The following INTS13 variants were observed in gnomAD, a reference collection of about 807,000 sequenced individuals.
INTS13 encodes the protein asunder, spermatogenesis regulator homolog (Drosphila).
In INTS13, 35 loss-of-function variants were observed where a neutral mutation model predicts 90.2. The ratio of observed to expected loss-of-function variants is 0.39; its 90% CI spans 0.30 to 0.51. INTS13 has a LOEUF of 0.51. Ranked by LOEUF, INTS13 falls within the 20% of genes least tolerant of loss-of-function variation. The pLI is 0.80. For synonymous variants in INTS13, 309 were observed against 277.1 expected (o/e 1.11, Z -1.14); for missense variants, 601 against 851.2 (o/e 0.71, Z 3.66).
At chr12:26,930,385 TA>T (rs1938125032) in intron 3 of INTS13, among the ~76,000 whole-genome samples, 1 of 152,180 alleles carries the variant, frequency 6.6e-6, no homozygotes, top group African/African-American at 2.4e-5. Flanking sequence ...TTCCTATTTT[TA>T]AAACTTACTA....
intron 3 of INTS13, among the ~76,000 whole-genome samples, chr12:26,929,728 GAAGAAAGGAAGGAAGGAAAGAAGA>G (rs1938087155): frequency 3.3e-5 from 5 of 150,366 alleles, no homozygotes; most frequent in Admixed American, 6.7e-5. Flanking sequence ...AGACAGAAAG[GAAGAAAGGAAGGAAGGAAAGAAGA>G]AAGAAAGGAA....
At chr12:26,923,762 T>C (rs1937713161) in intron 7 of INTS13, among the ~76,000 whole-genome samples, 1 of 152,186 alleles carries the variant, frequency 6.6e-6, no homozygotes, top group Non-Finnish European at 1.5e-5. Context: ...TATGAGCTAT[T>C]TTCCCCTAGT....
chr12:26,924,467 G>T lies in INTS13; in HGVS notation c.692C>A (p.Thr231Asn). The stretch of plus-strand genomic sequence containing the variant: ...TGCACGAACACTATGAACTTCACTG[G>T]TTAAAACCGGGGACAACTACAGAAA... ...RSKKELSPVL[T>N]SEVHSVRAGR... The change falls in exon 7 of 17, where the codon ACC (threonine) becomes AAC (asparagine). Residue 231 changes from threonine (T) to asparagine (N), a missense_variant. By Grantham distance (65) the Thr-to-Asn change is moderately conservative. Around this residue, in one of 3 missense-constraint regions of INTS13, gnomAD observed 284 missense variants for 387.7 expected, o/e 0.73. Coordinates refer to ENST00000261191, the MANE Select transcript of INTS13 (RefSeq NM_018164.3). 1 of 1,604,796 alleles carries T rather than the reference G, an allele frequency of 6.2e-7. No individual in the cohort carries two copies. Among genetic ancestry groups the T allele is most frequent in the Non-Finnish European group, 8.5e-7 (1 of 1,175,190 alleles).
At chr12:26,933,008 A>G (rs903968544) in intron 3 of INTS13, among the ~76,000 whole-genome samples, 2 of 152,268 alleles carry the variant, frequency 1.3e-5, no homozygotes, top group Non-Finnish European at 2.9e-5. Flanking sequence ...AAGGCACAAA[A>G]GAAAACATCA....
rs557716312 is a variant in INTS13, at chr12:26,929,829, G to A, written c.301-924C>T. Among the ~76,000 whole-genome samples the A allele has an allele frequency of 2.0e-5, 3 of 151,886 alleles. No individual in the cohort carries two copies. The South Asian group carries it at 6.3e-4, about 32-fold the overall frequency. ...AGGAAGAAAGAAGGAAAAAGGGAAG[G>A]AAGGAAGAGAGAGAGAGAGGATGGA... On this transcript the variant is annotated intron_variant, in intron 3 of 16. Coordinates refer to ENST00000261191, the MANE Select transcript of INTS13 (RefSeq NM_018164.3).
chr12:26,935,381 G>T (rs906884441), intron 2 of INTS13, among the ~76,000 whole-genome samples: 3 of 152,136 alleles, frequency 2.0e-5, no homozygotes, highest in Non-Finnish European at 2.9e-5. Flanking sequence ...TGGACAACAC[G>T]ATCTAATCTA....
chr12:26,923,724 G>A (rs1937710490), intron 7 of INTS13, among the ~76,000 whole-genome samples: 1 of 152,148 alleles, frequency 6.6e-6, no homozygotes, highest in African/African-American at 2.4e-5. Context: ...TGGTCTTTCA[G>A]TTAGAGAGTA....
chr12:26,907,712 A>AT (rs1310482133), intron 15 of INTS13, among the ~76,000 whole-genome samples: 1 of 152,228 alleles, frequency 6.6e-6, no homozygotes, highest in Non-Finnish European at 1.5e-5. Flanking sequence ...ATCCAGATAA[A>AT]TAAACAACTC....
chr12:26,925,330 C>A (rs1321367928), intron 6 of INTS13, among the ~76,000 whole-genome samples: 1 of 151,964 alleles, frequency 6.6e-6, no homozygotes, highest in African/African-American at 2.4e-5. Flanking sequence ...TAAAATTATT[C>A]AAATTTATTT....
intron 11 of INTS13, 94 bp downstream of exon 11, chr12:26,915,908 T>A: frequency 1.1e-6 from 1 of 880,708 alleles, no homozygotes; most frequent in Non-Finnish European, 1.6e-6. Flanking sequence ...GTCTCTTTTT[T>A]TCCACAGACC....
intron 3 of INTS13, among the ~76,000 whole-genome samples, chr12:26,934,310 A>T (rs1251410613): frequency 1.3e-5 from 2 of 152,184 alleles, no homozygotes; most frequent in East Asian, 3.8e-4. Context: ...GAACTCAATA[A>T]ACAGGAATAA....
At chr12:26,934,463 C>T in intron 3 of INTS13, 93 bp downstream of exon 3, 1 of 936,696 alleles carries the variant, frequency 1.1e-6, no homozygotes, top group Non-Finnish European at 1.7e-6. Flanking sequence ...ATATGCAAAT[C>T]CTAGAGTGAT....
chr12:26,924,454 A>G lies in INTS13; in HGVS notation c.705T>C (p.His235=), dbSNP rs190658986. 8.7e-6 allele frequency: 14 copies of G among 1,611,142 alleles called. No homozygotes were observed. The East Asian group carries it at 2.5e-4, about 28-fold the overall frequency. Residue 235 remains histidine, a synonymous_variant, in exon 7 of 17, where the codon CAT becomes CAC. Coordinates refer to ENST00000261191, the MANE Select transcript of INTS13 (RefSeq NM_018164.3). ...ELSPVLTSEV[H]SVRAGRHLAT... ...CAAGATGCCGTCCTGCACGAACACT[A>G]TGAACTTCACTGGTTAAAACCGGGG...
rs1315422541 is a variant in INTS13 at position 26,924,479 on chromosome 12, G to A, written c.680C>T (p.Ser227Phe). The A allele has an allele frequency of 5.0e-6, 8 of 1,598,806 alleles. No individual in the cohort carries two copies. Among genetic ancestry groups the A allele is most frequent in the East Asian group, 2.3e-5 (1 of 44,146 alleles). The change falls in exon 7 of 17, where the codon TCC (serine) becomes TTC (phenylalanine). Residue 227 changes from serine (S) to phenylalanine (F), a missense_variant. Transcript: ENST00000261191. Reference protein sequence around the residue: ...LVSDRSKKELSPVLTSEVHSV... With the variant: ...LVSDRSKKELFPVLTSEVHSV... Reference sequence around the variant, plus strand: ...ATGAACTTCACTGGTTAAAACCGGGGACAACTACAGAAAAACATACAAGAA... The same window carrying A: ...ATGAACTTCACTGGTTAAAACCGGGAACAACTACAGAAAAACATACAAGAA...
intron 6 of INTS13, 44 bp from the exon 7 acceptor site, chr12:26,924,527 T>G (rs866128104): frequency 1.3e-6 from 2 of 1,555,774 alleles, no homozygotes; most frequent in Middle Eastern, 3.4e-4. Flanking sequence ...AAATATTAAT[T>G]CATTGTGACC....
rs757073411 is a variant in INTS13, at chr12:26,913,607, C to T, written c.1655G>A (p.Arg552Lys). The change falls in exon 14 of 17, where the codon AGA (arginine) becomes AAA (lysine). Residue 552 changes from arginine (R) to lysine (K), a missense_variant. Arg to Lys is a conservative substitution (Grantham distance 26). Transcript: ENST00000261191. The stretch of plus-strand genomic sequence containing the variant: ...GCATGCCATCAGACATTCCAAGACT[C>T]TTTGATGTTTCTCTGAGTTGTTGAT... ...AHINNSEKHQ[R>K]VLECLMACRS... 9 of 1,614,108 alleles carry T rather than the reference C, an allele frequency of 5.6e-6. No individual in the cohort carries two copies. In the Admixed American group the frequency reaches 1.5e-4, roughly 27 times the overall value.
intron 2 of INTS13, among the ~76,000 whole-genome samples, chr12:26,935,513 T>C (rs1459416991): frequency 6.6e-6 from 1 of 152,230 alleles, no homozygotes; most frequent in Non-Finnish European, 1.5e-5. Context: ...TCACTTTACG[T>C]AGATTTATCT....
At chr12:26,905,560 G>A (rs1951583930) in intron 16 of INTS13, 24 bp from the exon 17 acceptor site, 4 of 1,601,930 alleles carry the variant, frequency 2.5e-6, no homozygotes, top group Non-Finnish European at 1.7e-6. Context: ...AAAAAAACGA[G>A]TTGATAAAAT....
At chr12:26,915,865 T>A in intron 11 of INTS13, 137 bp downstream of exon 11, 1 of 595,014 alleles carries the variant, frequency 1.7e-6, no homozygotes, top group Non-Finnish European at 2.8e-6. Flanking sequence ...TGCAGGAAAT[T>A]CACCTAATTA....
Sources: gnomAD v4.1 joint callset for allele counts (sites outside exome capture counted in the v4.1 genomes callset) on GRCh38, gnomAD v4.1.1 for gene constraint, gnomAD v4.1.1 regional missense constraint, MANE v1.5 for transcripts, NCBI Gene and HGNC (gene_info 2026-07-23, HGNC 2026-07-21) for gene names.